SLC5A10: variants seen among roughly 807,000 people sequenced by gnomAD.
SLC5A10 encodes the protein sodium/mannose cotransporter SLC5A10.
SLC5A10 carries 55 observed loss-of-function variants against 68.9 expected under a neutral mutation model. The observed-to-expected ratio is 0.80, with a 90% CI of 0.64 to 1.00. The LOEUF is 1.00. Ranked by LOEUF, SLC5A10 falls within the 50% of genes least tolerant of loss-of-function variation. The pLI is 0.00. For synonymous variants in SLC5A10, 344 were observed against 344.8 expected (o/e 1.00, Z 0.02); for missense variants, 732 against 819.3 (o/e 0.89, Z 1.30).
At chr17:18,956,923 C>A (rs1290497265) in intron 1 of SLC5A10, among the ~76,000 whole-genome samples, 4 of 152,056 alleles carry the variant, frequency 2.6e-5, no homozygotes, top group Non-Finnish European at 4.4e-5. Context: ...CCAAGGCAGG[C>A]AGATCACATG....
At chr17:19,013,206 GGA>G (rs2044053618) in intron 9 of SLC5A10, among the ~76,000 whole-genome samples, 1 of 152,220 alleles carries the variant, frequency 6.6e-6, no homozygotes, top group African/African-American at 2.4e-5. Context: ...GAGTTATGAT[GGA>G]GAACAGCAGG....
intron 9 of SLC5A10, among the ~76,000 whole-genome samples, chr17:19,007,866 A>G (rs947548922): frequency 6.6e-6 from 1 of 152,208 alleles, no homozygotes; most frequent in Non-Finnish European, 1.5e-5. Context: ...AAATGTAGAG[A>G]TGAATCTCTA....
intron 4 of SLC5A10, among the ~76,000 whole-genome samples, chr17:18,959,879 C>G (rs534339171): frequency 1.2e-3 from 180 of 152,176 alleles, no homozygotes; most frequent in Non-Finnish European, 2.3e-3. Flanking sequence ...CAGACCTCAG[C>G]CTGGGTGCCG....
intron 3 of SLC5A10, 44 bp from the exon 4 acceptor site, chr17:18,959,560 G>A: frequency 6.3e-7 from 1 of 1,597,644 alleles, no homozygotes; most frequent in African/African-American, 1.3e-5. Flanking sequence ...GAGCAGAGCT[G>A]TGGGAGCTGC....
intron 9 of SLC5A10, 137 bp downstream of exon 9, chr17:18,977,126 TC>T: frequency 9.2e-6 from 11 of 1,199,440 alleles, no homozygotes; most frequent in Non-Finnish European, 1.3e-5. Flanking sequence ...GGGAGAGTGG[TC>T]CTCAGGGCCA....
At chr17:19,014,192 T>A (rs2044081584) in intron 10 of SLC5A10, among the ~76,000 whole-genome samples, 1 of 152,018 alleles carries the variant, frequency 6.6e-6, no homozygotes, top group South Asian at 2.1e-4. Context: ...GTAAAGGAGG[T>A]GCTTAAAATT....
At chr17:18,973,790 T>C (rs999543918) in intron 8 of SLC5A10, among the ~76,000 whole-genome samples, 10 of 151,868 alleles carry the variant, frequency 6.6e-5, no homozygotes, top group East Asian at 3.9e-4. Context: ...CTCCGCCTCC[T>C]GGGTTCAAGT....
In SLC5A10 at chr17:18,968,509, A is replaced by C. The variant is rs2151998939; in HGVS notation, c.454-543A>C. Among the ~76,000 whole-genome samples, 1 of 152,240 alleles carries C rather than the reference A, an allele frequency of 6.6e-6. No homozygotes were observed. The highest frequency in any genetic ancestry group is 1.9e-4 in the East Asian group (1 of 5,166). ...GGGGCTGTGTCCAGTCAGTGTGGAG[A>C]CCAGCTTCAGCCTGAGACCCAGCCT... On this transcript the variant is annotated intron_variant, in intron 5 of 14. Coordinates refer to ENST00000395645, the MANE Select transcript of SLC5A10 (RefSeq NM_001042450.4). The surrounding 1 kb of genome is among the most constrained non-coding windows in gnomAD (Gnocchi z 4.1).
intron 1 of SLC5A10, among the ~76,000 whole-genome samples, chr17:18,953,292 C>A (rs1030271978): frequency 1.3e-5 from 2 of 151,930 alleles, no homozygotes; most frequent in African/African-American, 4.8e-5. Flanking sequence ...ACTACCACAC[C>A]CAGGTAATGT....
chr17:19,014,294 T>TGC (rs2044083896), intron 10 of SLC5A10, among the ~76,000 whole-genome samples: 3 of 152,128 alleles, frequency 2.0e-5, no homozygotes, highest in African/African-American at 7.2e-5. Flanking sequence ...CAGTTGAGCA[T>TGC]CCTTCCACCT....
chr17:18,959,741 G>A (rs751213659), intron 4 of SLC5A10, 78 bp downstream of exon 4: 21 of 1,336,800 alleles, frequency 1.6e-5, no homozygotes, highest in Non-Finnish European at 2.0e-5. Context: ...CAGGACCACC[G>A]TGGCCTCACA....
Position 19,021,932 on chromosome 17 carries a change from C to T in SLC5A10, c.*1501C>T, listed in dbSNP as rs552267271. On this transcript the variant is annotated 3_prime_UTR_variant, in exon 15 of 15. Transcript: ENST00000395645. This position sits in a 1 kb window ranked among gnomAD's most constrained non-coding sequence, Gnocchi z 4.1. Reference sequence around the variant, plus strand: ...GGACCTCAGTTCCTGTAAAAAGGCCCGTTGGCCAGATCGGCCGCCGGGCTG... The same window carrying T: ...GGACCTCAGTTCCTGTAAAAAGGCCTGTTGGCCAGATCGGCCGCCGGGCTG... 3.0e-5 allele frequency: 44 copies of T among 1,482,424 alleles called. No homozygotes were observed. The East Asian group carries it at 7.4e-4, about 25-fold the overall frequency. 91.8% of individuals were successfully genotyped at this position (1,482,424 alleles called of 1,614,324 possible).
Position 19,000,474 on chromosome 17 carries a change from G to A in SLC5A10, c.983-12936G>A, listed in dbSNP as rs1452658067. On this transcript the variant is annotated intron_variant, in intron 9 of 14. Transcript: ENST00000395645. The surrounding 1 kb of genome is among the most constrained non-coding windows in gnomAD (Gnocchi z 5.2). ...TGGCTCCTGGTCCTGCTGTCCACTA[G>A]TTCCATTCTAGTCATTTGGGAACAG... Among the ~76,000 whole-genome samples the A allele has an allele frequency of 6.6e-6, 1 of 152,182 alleles. No individual in the cohort carries two copies. The highest frequency in any genetic ancestry group is 1.5e-5 in the Non-Finnish European group (1 of 68,012).
At chr17:18,960,392 G>C (rs2042587971) in intron 4 of SLC5A10, among the ~76,000 whole-genome samples, 156 bp from the exon 5 acceptor site, 1 of 152,252 alleles carries the variant, frequency 6.6e-6, no homozygotes, top group Admixed American at 6.5e-5. Flanking sequence ...CAGGCCGGGT[G>C]CTGGGGCTGT....
At chr17:18,966,279 G>A (rs982820274) in intron 5 of SLC5A10, among the ~76,000 whole-genome samples, 2 of 152,196 alleles carry the variant, frequency 1.3e-5, no homozygotes, top group Non-Finnish European at 2.9e-5. Context: ...GGGTGGACCA[G>A]TTGCTCCGGC....
At chr17:18,991,776 C>A (rs2043432453) in intron 9 of SLC5A10, among the ~76,000 whole-genome samples, 1 of 152,240 alleles carries the variant, frequency 6.6e-6, no homozygotes, top group Non-Finnish European at 1.5e-5. Flanking sequence ...AGCCCAGCTC[C>A]CAAGTGAAGG....
intron 9 of SLC5A10, among the ~76,000 whole-genome samples, chr17:18,997,165 A>AG (rs2152137819): frequency 6.6e-6 from 1 of 152,376 alleles, no homozygotes; most frequent in African/African-American, 2.4e-5. Context: ...CAAGAAGCCC[A>AG]GGCTAATCAT....
rs528041247 is a variant in SLC5A10 at position 18,973,188 on chromosome 17, C to A, written c.846+1970C>A. ...CTGCCAGGCTGAGCCCCTTTACACC[C>A]GCCACCTCCCACCTCCTCCCAATGC... On this transcript the variant is annotated intron_variant, in intron 8 of 14. Transcript: ENST00000395645. Among the ~76,000 whole-genome samples, 3 of 152,344 alleles carry A rather than the reference C, an allele frequency of 2.0e-5. No homozygotes were observed. The East Asian group carries it at 5.8e-4, about 29-fold the overall frequency.
rs944518718 is a variant in SLC5A10 at position 18,967,202 on chromosome 17, G to T, written c.454-1850G>T. Reference sequence around the variant, plus strand: ...CACACCTACTGGGCCTCTAGCAACAGCAGCAAACGTTCACTGGATGCCATG... The same window carrying T: ...CACACCTACTGGGCCTCTAGCAACATCAGCAAACGTTCACTGGATGCCATG... On this transcript the variant is annotated intron_variant, in intron 5 of 14. Coordinates refer to ENST00000395645, the MANE Select transcript of SLC5A10 (RefSeq NM_001042450.4). 3.3e-5 allele frequency among the ~76,000 whole-genome samples: 5 copies of T among 152,226 alleles called. No homozygotes were observed. In the East Asian group the frequency reaches 9.6e-4, roughly 29 times the overall value.
Sources: gnomAD v4.1 joint callset for allele counts (sites outside exome capture counted in the v4.1 genomes callset) on GRCh38, gnomAD v4.1.1 for gene constraint, Gnocchi (gnomAD v3.1) non-coding constraint, MANE v1.5 for transcripts, NCBI Gene and HGNC (gene_info 2026-07-23, HGNC 2026-07-21) for gene names.